Variants in KCNH5 observed in about 807,000 individuals in gnomAD.
KCNH5 encodes the protein potassium voltage-gated channel subfamily H member 5.
Under a neutral mutation model 96.1 loss-of-function variants are expected in KCNH5, and 46 were observed. The ratio of observed to expected loss-of-function variants is 0.48; its 90% CI spans 0.38 to 0.61. The LOEUF is 0.61. KCNH5 is among the 20% of genes least tolerant of loss of function. The pLI is 0.00. For missense variants in KCNH5, 907 were observed against 1,225.8 expected (o/e 0.74, Z 3.88); for synonymous variants, 439 against 449.8 (o/e 0.98, Z 0.30).
At chr14:62,709,226 CCTT>C (rs1884515049) in intron 10 of KCNH5, among the ~76,000 whole-genome samples, 1 of 46,666 alleles carries the variant, frequency 2.1e-5, no homozygotes, top group Non-Finnish European at 4.6e-5. Context: ...GAACGAGACT[CCTT>C]CTCAAAAAAA....
chr14:62,796,297 C>T (rs548343908), intron 9 of KCNH5, among the ~76,000 whole-genome samples: 15 of 152,302 alleles, frequency 9.8e-5, no homozygotes, highest in South Asian at 4.1e-4. Context: ...CAGGCATGAG[C>T]CACCATGCTG....
intron 9 of KCNH5, among the ~76,000 whole-genome samples, chr14:62,789,129 TTG>T (rs1195372331): frequency 1.6e-4 from 24 of 152,218 alleles, no homozygotes; most frequent in African/African-American, 5.5e-4. Flanking sequence ...TTCTCTATCT[TTG>T]TATATTTGAC....
intron 7 of KCNH5, among the ~76,000 whole-genome samples, chr14:62,860,596 A>G (rs1566685210): frequency 6.6e-6 from 1 of 152,212 alleles, no homozygotes; most frequent in Non-Finnish European, 1.5e-5. Context: ...TCAGGCCACC[A>G]TAGACAACCA....
intron 7 of KCNH5, among the ~76,000 whole-genome samples, chr14:62,886,749 G>C (rs1257462200): frequency 6.6e-6 from 1 of 152,086 alleles, no homozygotes. Flanking sequence ...TCCTTTCAAA[G>C]ACTTGGCTAT....
intron 1 of KCNH5, among the ~76,000 whole-genome samples, chr14:63,024,208 C>CAAAAAAAAAAAAAAAAAAAAAAAAA (rs574336970): frequency 2.9e-5 from 4 of 140,172 alleles, no homozygotes; most frequent in Non-Finnish European, 3.2e-5. Context: ...GACTCCATCT[C>CAAAAAAAAAAAAAAAAAAAAAAAAA]AAAAAATATA....
In KCNH5 at chr14:62,845,777, T is replaced by G. The variant is rs533159139; in HGVS notation, c.1569+3876A>C. Among the ~76,000 whole-genome samples, 3 of 152,314 alleles carry G rather than the reference T, an allele frequency of 2.0e-5. No homozygotes were observed. The East Asian group carries it at 5.8e-4, about 29-fold the overall frequency. Reference sequence around the variant, plus strand: ...TGTAAAACAGGTTTTTAGGAGATGATTGGAAGTTTGGTTTTGGACAACTTC... The same window carrying G: ...TGTAAAACAGGTTTTTAGGAGATGAGTGGAAGTTTGGTTTTGGACAACTTC... On this transcript the variant is annotated intron_variant, in intron 8 of 10. Transcript: ENST00000322893.
chr14:62,826,414 G>GTGTC (rs995767494), intron 8 of KCNH5, among the ~76,000 whole-genome samples: 19 of 140,938 alleles, frequency 1.3e-4, no homozygotes, highest in Non-Finnish European at 2.1e-4. Flanking sequence ...GTGCATGTGT[G>GTGTC]TGTGTGTGTG....
chr14:62,713,734 G>C (rs1037139428), intron 10 of KCNH5, among the ~76,000 whole-genome samples: 1 of 152,120 alleles, frequency 6.6e-6, no homozygotes, highest in Non-Finnish European at 1.5e-5. Flanking sequence ...TTAAAAGAAT[G>C]TACAAATATA....
At chr14:62,741,085 A>G (rs557906898) in intron 10 of KCNH5, among the ~76,000 whole-genome samples, 6 of 152,188 alleles carry the variant, frequency 3.9e-5, no homozygotes, top group Non-Finnish European at 8.8e-5. Flanking sequence ...GGGCAGCATT[A>G]CAATTTCAAA....
Position 63,005,345 on chromosome 14 carries a change from C to T in KCNH5, c.304+1021G>A, listed in dbSNP as rs1034693509. On this transcript the variant is annotated intron_variant, in intron 3 of 10. Coordinates refer to ENST00000322893, the MANE Select transcript of KCNH5 (RefSeq NM_139318.5). ...TTAGTCTACTAATAAAAAGAGAAAT[C>T]GAATTTTAATTCCAAATATTCCACA... 9.9e-5 allele frequency among the ~76,000 whole-genome samples: 15 copies of T among 152,246 alleles called. No individual in the cohort carries two copies. The East Asian group carries it at 2.3e-3, about 23-fold the overall frequency.
intron 7 of KCNH5, among the ~76,000 whole-genome samples, chr14:62,890,989 C>T (rs1888700476): frequency 6.6e-6 from 1 of 152,172 alleles, no homozygotes; most frequent in Non-Finnish European, 1.5e-5. Flanking sequence ...TTGTGGAAAG[C>T]AGTATGGCGA....
intron 10 of KCNH5, among the ~76,000 whole-genome samples, chr14:62,753,714 AC>A (rs1885555103): frequency 6.6e-6 from 1 of 152,168 alleles, no homozygotes; most frequent in African/African-American, 2.4e-5. Context: ...AAAGAAAAAA[AC>A]CCTTTTACCC....
At chr14:62,765,301 A>G (rs1387090033) in intron 10 of KCNH5, among the ~76,000 whole-genome samples, 3 of 152,166 alleles carry the variant, frequency 2.0e-5, no homozygotes, top group African/African-American at 7.2e-5. Flanking sequence ...AAATAGTGCT[A>G]AGATAACTCG....
At chr14:62,879,814 CAG>C (rs973916107) in intron 7 of KCNH5, among the ~76,000 whole-genome samples, 33 of 152,154 alleles carry the variant, frequency 2.2e-4, no homozygotes, top group African/African-American at 5.3e-4. Context: ...TTGTAAATTT[CAG>C]AGTCTATTTT....
chr14:62,921,824 G>T (rs1454668553), intron 7 of KCNH5, among the ~76,000 whole-genome samples: 1 of 152,092 alleles, frequency 6.6e-6, no homozygotes, highest in Non-Finnish European at 1.5e-5. Context: ...TTATCTAACA[G>T]CCTTGTGGAG....
rs143787093 is a variant in KCNH5, at chr14:62,708,154, A to G, written c.2321T>C (p.Leu774Pro). The G allele has an allele frequency of 2.6e-5, 42 of 1,614,066 alleles. No homozygotes were observed. Among genetic ancestry groups the G allele is most frequent in the Non-Finnish European group, 3.1e-5 (37 of 1,180,040 alleles). Residue 774 changes from leucine to proline, a missense_variant, in exon 11 of 11, where the codon CTT (leucine) becomes CCT (proline). Leu to Pro is a moderately conservative substitution (Grantham distance 98, BLOSUM62 -3). This residue lies in a region of KCNH5 where 362 missense variants were observed against 394.4 expected (regional missense o/e 0.92). Transcript: ENST00000322893. ...CATGGCATCACGGTTGTTCTGCTTAAGGGATTCACTGGTTTTCACATAGGC... is the reference window on the plus strand; with the variant it reads ...CATGGCATCACGGTTGTTCTGCTTAGGGGATTCACTGGTTTTCACATAGGC... ...SLAYVKTSES[L>P]KQNNRDAMEL... is the part of the protein sequence containing the mutation.
chr14:62,823,286 T>C (rs1339175297), intron 8 of KCNH5, among the ~76,000 whole-genome samples: 1 of 152,148 alleles, frequency 6.6e-6, no homozygotes, highest in Non-Finnish European at 1.5e-5. Context: ...CCATAATAAG[T>C]ATAATCATTT....
At chr14:62,970,792 A>T (rs1890392290) in intron 6 of KCNH5, among the ~76,000 whole-genome samples, 2 of 152,104 alleles carry the variant, frequency 1.3e-5, no homozygotes, top group African/African-American at 2.4e-5. Context: ...TAACAACTCC[A>T]ACATCGATTC....
intron 1 of KCNH5, among the ~76,000 whole-genome samples, chr14:63,034,691 G>A (rs1040125294): frequency 7.9e-5 from 12 of 152,142 alleles, no homozygotes; most frequent in Non-Finnish European, 1.0e-4. Context: ...TCTCCTTCAC[G>A]ATCAAAGGTA....
Sources: allele counts gnomAD v4.1 joint callset (sites outside exome capture counted in the v4.1 genomes callset), GRCh38; gene constraint gnomAD v4.1.1; regional missense constraint gnomAD v4.1.1; transcripts MANE v1.5; gene names NCBI Gene and HGNC (gene_info 2026-07-23, HGNC 2026-07-21).